The following SAMD12 variants were observed in gnomAD, a reference collection of about 807,000 sequenced individuals.
SAMD12 encodes sterile alpha motif domain containing 12.
Under a neutral mutation model 15.0 loss-of-function variants are expected in SAMD12, and 9 were observed. The observed-to-expected ratio is 0.60, with a 90% CI of 0.36 to 1.05. SAMD12 has a LOEUF of 1.05. Among genes scored for constraint, SAMD12 ranks in the 50% least tolerant of loss-of-function variants. SAMD12 has a pLI of 0.01. For synonymous variants in SAMD12, 86 were observed against 90.1 expected (o/e 0.96, Z 0.25); for missense variants, 230 against 234.2 (o/e 0.98, Z 0.12).
chr8:118,406,612 T>C (rs991960138), intron 3 of SAMD12, among the ~76,000 whole-genome samples: 8 of 152,172 alleles, frequency 5.3e-5, no homozygotes, highest in Non-Finnish European at 1.0e-4. Context: ...TAGTGTTAAC[T>C]ATATTCACCA....
rs145124533 is a variant in SAMD12, at chr8:118,539,458, T to A, written c.192+41257A>T. Among the ~76,000 whole-genome samples, 258 of 152,292 alleles carry A rather than the reference T, an allele frequency of 1.7e-3. 1 individual carries two copies. Among genetic ancestry groups the A allele is most frequent in the African/African-American group, 4.9e-3 (203 of 41,576 alleles). ...AACCACCAATCCCCAGAAAATCCTG[T>A]CTTGGTACATGGAGAGTTAGCTTTA... On this transcript the variant is annotated intron_variant, in intron 2 of 3. Coordinates refer to ENST00000314727, the MANE Select transcript of SAMD12 (RefSeq NM_207506.3).
intron 2 of SAMD12, among the ~76,000 whole-genome samples, chr8:118,486,308 C>T (rs987062655): frequency 4.0e-5 from 6 of 148,812 alleles, no homozygotes; most frequent in African/African-American, 9.9e-5. Context: ...CCCAGCTACT[C>T]GGGAGGCTGA....
At chr8:118,276,940 T>G (rs1158853987) in intron 4 of SAMD12, among the ~76,000 whole-genome samples, 1 of 152,174 alleles carries the variant, frequency 6.6e-6, no homozygotes, top group Non-Finnish European at 1.5e-5. Flanking sequence ...CCCAAAGTGC[T>G]GAGATTATAG....
intron 4 of SAMD12, among the ~76,000 whole-genome samples, chr8:118,304,475 A>C (rs1036454754): frequency 2.0e-5 from 3 of 152,180 alleles, no homozygotes; most frequent in Non-Finnish European, 4.4e-5. Flanking sequence ...CCTCTTTTTA[A>C]AAATGACTTA....
chr8:118,229,412 G>A (rs896353765), intron 4 of SAMD12, among the ~76,000 whole-genome samples: 2 of 151,974 alleles, frequency 1.3e-5, no homozygotes, highest in African/African-American at 4.8e-5. Flanking sequence ...CCTGTACAAT[G>A]TCTAGAATTC....
chr8:118,540,283 G>A (rs1050675212), intron 2 of SAMD12, among the ~76,000 whole-genome samples: 1 of 152,158 alleles, frequency 6.6e-6, no homozygotes, highest in Non-Finnish European at 1.5e-5. Flanking sequence ...CAGGTCCCCA[G>A]AGTATTATGA....
chr8:118,594,799 G>A (rs533211647), intron 1 of SAMD12, among the ~76,000 whole-genome samples: 2 of 152,152 alleles, frequency 1.3e-5, no homozygotes, highest in South Asian at 4.1e-4. Flanking sequence ...TAATACAAAT[G>A]AATAAACACA....
intron 2 of SAMD12, among the ~76,000 whole-genome samples, chr8:118,559,435 T>C (rs1826645024): frequency 1.3e-5 from 2 of 152,214 alleles, no homozygotes; most frequent in Admixed American, 1.3e-4. Context: ...CAGTCCCACA[T>C]ATCTACCTCT....
At chr8:118,373,411 C>G (rs986589453), downstream of SAMD12, among the ~76,000 whole-genome samples, 8 of 152,118 alleles carry the variant, frequency 5.3e-5, no homozygotes, top group Admixed American at 5.2e-4. Context: ...GTTCAGATGG[C>G]CTACTTGAGT....
intron 4 of SAMD12, among the ~76,000 whole-genome samples, chr8:118,205,102 G>C (rs993284362): frequency 1.3e-5 from 2 of 152,178 alleles, no homozygotes; most frequent in Non-Finnish European, 2.9e-5. Flanking sequence ...GGCCTAAAGA[G>C]AATAGGCTGG....
chr8:118,444,041 T>C (rs1281028014), intron 2 of SAMD12, among the ~76,000 whole-genome samples: 1 of 152,132 alleles, frequency 6.6e-6, no homozygotes. Flanking sequence ...ACCTACACTC[T>C]CTTCACAGCC....
the SAMD12 span, among the ~76,000 whole-genome samples, chr8:118,175,791 C>T: frequency 6.6e-6 from 1 of 152,170 alleles, no homozygotes; most frequent in Non-Finnish European, 1.5e-5. Context: ...AATGATATAT[C>T]ATATCACACT....
At chr8:118,324,716 G>A (rs192988317) in intron 4 of SAMD12, among the ~76,000 whole-genome samples, 36 of 152,276 alleles carry the variant, frequency 2.4e-4, no homozygotes, top group Middle Eastern at 3.4e-3. Context: ...TTGCCCAGTC[G>A]CATGGGCCAA....
chr8:118,516,637 TC>T (rs1367159684), intron 2 of SAMD12, among the ~76,000 whole-genome samples: 9 of 115,112 alleles, frequency 7.8e-5, no homozygotes, highest in African/African-American at 3.2e-4. Context: ...TTTCTTTCTT[TC>T]TTTTTTTTTT....
the SAMD12 span, among the ~76,000 whole-genome samples, chr8:118,165,118 A>C: frequency 5.3e-5 from 8 of 151,964 alleles, no homozygotes; most frequent in African/African-American, 1.9e-4. Flanking sequence ...AAGGGCTCAC[A>C]ACCAAGATTG....
At chr8:118,266,918 A>AACAT (rs1813216155) in intron 4 of SAMD12, among the ~76,000 whole-genome samples, 1 of 152,164 alleles carries the variant, frequency 6.6e-6, no homozygotes, top group South Asian at 2.1e-4. Flanking sequence ...TCCATTGTAC[A>AACAT]ACATGGTAAC....
chr8:118,522,179 T>TACACAC (rs57368278), intron 2 of SAMD12, among the ~76,000 whole-genome samples: 4 of 25,950 alleles, frequency 1.5e-4, no homozygotes, highest in Admixed American at 1.5e-3. Flanking sequence ...CACACACACA[T>TACACAC]ACACACACAC....
chr8:118,484,072 A>G (rs1824207784), intron 2 of SAMD12, among the ~76,000 whole-genome samples: 2 of 152,212 alleles, frequency 1.3e-5, no homozygotes, highest in South Asian at 4.1e-4. Flanking sequence ...GATACATGCT[A>G]TGAGGACAAC....
At chr8:118,496,438 T>G (rs1824611539) in intron 2 of SAMD12, among the ~76,000 whole-genome samples, 1 of 152,092 alleles carries the variant, frequency 6.6e-6, no homozygotes, top group African/African-American at 2.4e-5. Flanking sequence ...CCATCTAATC[T>G]TCGACAAAGT....
Sources: allele counts gnomAD v4.1 joint callset (sites outside exome capture counted in the v4.1 genomes callset), GRCh38; gene constraint gnomAD v4.1.1; transcripts MANE v1.5; gene names NCBI Gene and HGNC (gene_info 2026-07-23, HGNC 2026-07-21).